Variants in SPAG16 observed in about 807,000 individuals in gnomAD.
SPAG16 encodes the protein sperm associated antigen 16, also known as sperm-associated antigen 16 protein.
Under a neutral mutation model 80.4 loss-of-function variants are expected in SPAG16, and 86 were observed. The observed-to-expected ratio is 1.07, with a 90% CI of 0.90 to 1.28. The LOEUF (loss-of-function observed/expected upper bound fraction) is 1.28, where lower values mean the gene tolerates loss of function less well. Ranked by LOEUF, SPAG16 falls within the 50% of genes most tolerant of loss-of-function variation. SPAG16 has a pLI of 0.00. For synonymous variants in SPAG16, 294 were observed against 265.9 expected (o/e 1.11, Z -1.03); for missense variants, 870 against 765.3 (o/e 1.14, Z -1.61).
At chr2:213,813,591 T>TG (rs1484073622) in intron 10 of SPAG16, among the ~76,000 whole-genome samples, 1 of 152,064 alleles carries the variant, frequency 6.6e-6, no homozygotes, top group Non-Finnish European at 1.5e-5. Context: ...CTGCTGCTAT[T>TG]GGGGGACAGG....
In SPAG16 at chr2:214,012,282, A is replaced by ATTT. The variant is rs1286363943; in HGVS notation, c.1401-1668_1401-1667insTTT. On this transcript the variant is annotated intron_variant, in intron 12 of 15. Coordinates refer to ENST00000331683, the MANE Select transcript of SPAG16 (RefSeq NM_024532.5). ...TACATATATATATATATATATATAT[A>ATTT]TATATATTTTTTTTTTTTTTTTTTT... is the stretch of plus-strand genomic sequence containing the variant. Among the ~76,000 whole-genome samples the ATTT allele has an allele frequency of 8.2e-3, 414 of 50,624 alleles. 13 individuals carry two copies. The highest frequency in any genetic ancestry group is 0.011 in the African/African-American group (90 of 8,376). 33.2% of individuals were successfully genotyped at this position (50,624 alleles called of 152,430 possible).
chr2:213,875,763 CA>C (rs1387984763), intron 11 of SPAG16, among the ~76,000 whole-genome samples: 2 of 152,112 alleles, frequency 1.3e-5, no homozygotes, highest in African/African-American at 4.8e-5. Flanking sequence ...CTCTATCCAT[CA>C]TTTTTGACAC....
At chr2:213,346,641 A>G (rs1247407591) in intron 6 of SPAG16, among the ~76,000 whole-genome samples, 1 of 152,084 alleles carries the variant, frequency 6.6e-6, no homozygotes, top group African/African-American at 2.4e-5. Flanking sequence ...AGATAATCCT[A>G]TGTTTTTTGT....
chr2:214,166,515 G>T (rs1380437961), intron 15 of SPAG16, among the ~76,000 whole-genome samples: 1 of 152,172 alleles, frequency 6.6e-6, no homozygotes, highest in East Asian at 1.9e-4. Flanking sequence ...CCAGGCTCCT[G>T]TTAGGCCATT....
intron 10 of SPAG16, among the ~76,000 whole-genome samples, chr2:213,706,207 T>A (rs1189811150): frequency 6.6e-6 from 1 of 152,156 alleles, no homozygotes; most frequent in Non-Finnish European, 1.5e-5. Flanking sequence ...GGGCTATCTG[T>A]TAGAGTCTGC....
At chr2:213,672,370 C>T (rs1349739262) in intron 10 of SPAG16, among the ~76,000 whole-genome samples, 1 of 151,526 alleles carries the variant, frequency 6.6e-6, no homozygotes, top group African/African-American at 2.4e-5. Context: ...CCCTTCTTTC[C>T]TTTCTTTCTT....
chr2:214,178,668 G>A lies in SPAG16; in HGVS notation c.1720+29402G>A, dbSNP rs531280207. 2.8e-4 allele frequency among the ~76,000 whole-genome samples: 42 copies of A among 151,382 alleles called. No individual in the cohort carries two copies. In the East Asian group the frequency reaches 2.9e-3, roughly 10 times the overall value. On this transcript the variant is annotated intron_variant, in intron 15 of 15. Transcript: ENST00000331683. ...AACAAATATCATAAATAGAGCACAC[G>A]TGCACATACAACTAAGTTTGTTTTG...
At chr2:213,850,793 T>C (rs188186161) in intron 10 of SPAG16, among the ~76,000 whole-genome samples, 3 of 152,250 alleles carry the variant, frequency 2.0e-5, no homozygotes, top group Admixed American at 2.0e-4. Flanking sequence ...TAGGAAACAT[T>C]ATTAGGCTGC....
intron 10 of SPAG16, among the ~76,000 whole-genome samples, chr2:213,583,611 G>T (rs115089946): frequency 0.015 from 2,234 of 152,160 alleles, 23 homozygotes; most frequent in South Asian, 0.035. Context: ...TTGACATTTG[G>T]GGGGGTGGTA....
chr2:213,544,857 A>G (rs2076565554), intron 10 of SPAG16, among the ~76,000 whole-genome samples: 1 of 152,010 alleles, frequency 6.6e-6, no homozygotes, highest in Non-Finnish European at 1.5e-5. Flanking sequence ...TTGATAGCTC[A>G]TTTGTTTTTA....
chr2:214,341,445 A>C (rs963375083), intron 15 of SPAG16, among the ~76,000 whole-genome samples: 1 of 152,228 alleles, frequency 6.6e-6, no homozygotes, highest in Non-Finnish European at 1.5e-5. Context: ...AGAGACTCAC[A>C]GATAGAATTA....
intron 10 of SPAG16, among the ~76,000 whole-genome samples, chr2:213,763,813 T>C (rs549658006): frequency 6.6e-6 from 1 of 152,364 alleles, no homozygotes; most frequent in Admixed American, 6.5e-5. Flanking sequence ...CCTTATGAAC[T>C]ATTTTACCTG....
In SPAG16 at chr2:214,065,920, G is replaced by C. The variant is rs57030129; in HGVS notation, c.1528-42276G>C. The stretch of plus-strand genomic sequence containing the variant: ...CAAACTTTGTCAACCACAAAATATC[G>C]TATGACACATTATATATACCTGATG... On this transcript the variant is annotated intron_variant, in intron 13 of 15. Coordinates refer to ENST00000331683, the MANE Select transcript of SPAG16 (RefSeq NM_024532.5). Among the ~76,000 whole-genome samples, 1,072 of 152,032 alleles carry C rather than the reference G, an allele frequency of 7.1e-3. 9 individuals carry two copies. The highest frequency in any genetic ancestry group is 0.025 in the African/African-American group (1,032 of 41,500).
At chr2:213,636,013 A>T (rs1264397563) in intron 10 of SPAG16, among the ~76,000 whole-genome samples, 2 of 151,748 alleles carry the variant, frequency 1.3e-5, no homozygotes, top group Non-Finnish European at 2.9e-5. Flanking sequence ...TTGGTCATGA[A>T]CTCTTAGCCT....
chr2:213,760,316 A>G (rs530310199), intron 10 of SPAG16, among the ~76,000 whole-genome samples: 1 of 152,298 alleles, frequency 6.6e-6, no homozygotes, highest in African/African-American at 2.4e-5. Context: ...CAAAAAGTTT[A>G]CAAAAGGCAA....
intron 10 of SPAG16, among the ~76,000 whole-genome samples, chr2:213,678,499 A>G (rs1249189295): frequency 6.6e-6 from 1 of 152,238 alleles, no homozygotes; most frequent in Non-Finnish European, 1.5e-5. Context: ...ACCTCTACAC[A>G]AATAAACTAG....
chr2:214,080,470 T>C (rs1257786773), intron 13 of SPAG16, among the ~76,000 whole-genome samples: 2 of 148,100 alleles, frequency 1.4e-5, no homozygotes, highest in Non-Finnish European at 1.5e-5. Context: ...TAGCCGGGCG[T>C]GGTGGTGGGC....
At chr2:213,477,228 G>T (rs901527369) in intron 9 of SPAG16, among the ~76,000 whole-genome samples, 1 of 152,156 alleles carries the variant, frequency 6.6e-6, no homozygotes, top group African/African-American at 2.4e-5. Context: ...TCCTTGGCTT[G>T]AAGGTCAAGT....
intron 11 of SPAG16, among the ~76,000 whole-genome samples, chr2:213,876,162 A>G (rs1363860337): frequency 6.6e-6 from 1 of 152,154 alleles, no homozygotes; most frequent in Non-Finnish European, 1.5e-5. Flanking sequence ...ACTTAATGGC[A>G]GTAAATGACA....
Sources: allele counts gnomAD v4.1 joint callset (sites outside exome capture counted in the v4.1 genomes callset), GRCh38; gene constraint gnomAD v4.1.1; transcripts MANE v1.5; gene names NCBI Gene and HGNC (gene_info 2026-07-23, HGNC 2026-07-21).